CNTNAP5: variants seen among roughly 807,000 people sequenced by gnomAD.
The protein encoded by CNTNAP5 is contactin associated protein family member 5, also known as contactin-associated protein-like 5.
Under a neutral mutation model 150.2 loss-of-function variants are expected in CNTNAP5, and 72 were observed. That is an observed-to-expected ratio of 0.48 (90% CI 0.40 to 0.58). CNTNAP5 has a LOEUF of 0.58. Ranked by LOEUF, CNTNAP5 falls within the 20% of genes least tolerant of loss-of-function variation. CNTNAP5 has a pLI of 0.00. For synonymous variants in CNTNAP5, 672 were observed against 619.8 expected, an observed-to-expected ratio of 1.08 and a Z score of -1.25; for missense variants, 1,636 against 1,626.2, an observed-to-expected ratio of 1.01 and a Z score of -0.10.
At chr2:124,280,660 T>C (rs1687991126) in intron 3 of CNTNAP5, among the ~76,000 whole-genome samples, 1 of 152,102 alleles carries the variant, frequency 6.6e-6, no homozygotes, top group Admixed American at 6.6e-5. Context: ...TAGCTCTAGA[T>C]AATTAAGTGG....
chr2:124,785,022 G>C (rs1203997296), intron 17 of CNTNAP5, among the ~76,000 whole-genome samples: 1 of 128,618 alleles, frequency 7.8e-6, no homozygotes, highest in Admixed American at 9.6e-5. Context: ...TCCTCAAAGA[G>C]CTCAGAGATT....
At chr2:124,050,477 A>G (rs1171810456) in intron 1 of CNTNAP5, among the ~76,000 whole-genome samples, 1 of 152,140 alleles carries the variant, frequency 6.6e-6, no homozygotes, top group East Asian at 1.9e-4. Context: ...AAATAATAAA[A>G]AAAGAATAAA....
rs1366400126 is a variant in CNTNAP5 at position 124,434,589 on chromosome 2, T to G, written c.635T>G (p.Met212Arg). Residue 212 changes from methionine to arginine, a missense_variant, in exon 5 of 24, where the codon ATG (methionine) becomes AGG (arginine). Physicochemically the swap from Met to Arg is moderately conservative, Grantham distance 91 (BLOSUM62 -1). Transcript: ENST00000682447. ...KDVISLKFKS[M>R]QGDGVLFHGE... ...GTGATCTCCCTGAAGTTCAAGAGCA[T>G]GCAAGGAGATGGGGTCCTGTTCCAT... The G allele has an allele frequency of 6.2e-7, 1 of 1,613,980 alleles. No homozygotes were observed. The highest frequency in any genetic ancestry group is 8.5e-7 in the Non-Finnish European group (1 of 1,179,860).
intron 21 of CNTNAP5, among the ~76,000 whole-genome samples, chr2:124,885,015 T>C (rs1306355086): frequency 1.3e-5 from 2 of 152,060 alleles, no homozygotes; most frequent in Non-Finnish European, 2.9e-5. Context: ...CAGTCAGGGT[T>C]CAACCAATGG....
chr2:124,504,366 G>A lies in CNTNAP5; in HGVS notation c.1137G>A (p.Leu379=), dbSNP rs1558930634. 6.2e-7 allele frequency: 1 copy of A among 1,613,874 alleles called. No individual in the cohort carries two copies. Among genetic ancestry groups the A allele is most frequent in the Non-Finnish European group, 8.5e-7 (1 of 1,179,852 alleles). ...ITFVNSSGSY[L]LLPGTPQIDG... Reference sequence around the variant, plus strand: ...TTGTCAACTCCAGCGGCAGCTATTTGCTGCTGCCCGGCACCCCCCAAATTG... The same window carrying A: ...TTGTCAACTCCAGCGGCAGCTATTTACTGCTGCCCGGCACCCCCCAAATTG... Residue 379 remains leucine (L), a synonymous_variant, in exon 8 of 24, where the codon TTG becomes TTA. Coordinates refer to ENST00000682447, the MANE Select transcript of CNTNAP5 (RefSeq NM_001367498.1).
intron 14 of CNTNAP5, among the ~76,000 whole-genome samples, chr2:124,759,774 T>C (rs1350288215): frequency 6.6e-6 from 1 of 152,004 alleles, no homozygotes; most frequent in African/African-American, 2.4e-5. Flanking sequence ...AGATTGCAGA[T>C]GTGGTCCAGT....
chr2:124,908,056 C>T (rs965335149), intron 22 of CNTNAP5, among the ~76,000 whole-genome samples: 1 of 151,686 alleles, frequency 6.6e-6, no homozygotes, highest in Admixed American at 6.6e-5. Context: ...AAGGGAGAAA[C>T]CATTGTAAGT....
At chr2:124,227,282 A>G (rs902262927) in intron 2 of CNTNAP5, among the ~76,000 whole-genome samples, 3 of 152,120 alleles carry the variant, frequency 2.0e-5, no homozygotes, top group Non-Finnish European at 1.5e-5. Context: ...TGCAGTCACA[A>G]TGGTCTGCTT....
intron 16 of CNTNAP5, among the ~76,000 whole-genome samples, chr2:124,767,946 T>C (rs1681101590): frequency 6.6e-6 from 1 of 152,196 alleles, no homozygotes; most frequent in Non-Finnish European, 1.5e-5. Context: ...CGAGCAATCC[T>C]CCTGAGAGGC....
At chr2:124,126,359 A>G (rs1434282700) in intron 1 of CNTNAP5, among the ~76,000 whole-genome samples, 1 of 152,200 alleles carries the variant, frequency 6.6e-6, no homozygotes, top group African/African-American at 2.4e-5. Context: ...CTAAATCAGG[A>G]AGAAGTTGAA....
chr2:124,423,370 C>T (rs902084723), intron 4 of CNTNAP5, among the ~76,000 whole-genome samples: 1 of 152,068 alleles, frequency 6.6e-6, no homozygotes, highest in Non-Finnish European at 1.5e-5. Flanking sequence ...ATCTGTATGT[C>T]CAAGGAAGGT....
At chr2:124,733,187 T>C (rs1316856153) in intron 13 of CNTNAP5, among the ~76,000 whole-genome samples, 1 of 152,086 alleles carries the variant, frequency 6.6e-6, no homozygotes, top group Non-Finnish European at 1.5e-5. Flanking sequence ...TAATAAATAT[T>C]CTTCAAACTT....
chr2:124,851,025 A>G (rs1053633792), intron 19 of CNTNAP5, among the ~76,000 whole-genome samples: 2 of 152,198 alleles, frequency 1.3e-5, no homozygotes, highest in African/African-American at 4.8e-5. Context: ...TAAAAGTTTT[A>G]CTGTAAACCA....
chr2:124,615,851 G>A (rs1050515407), intron 12 of CNTNAP5, among the ~76,000 whole-genome samples: 1 of 152,198 alleles, frequency 6.6e-6, no homozygotes, highest in African/African-American at 2.4e-5. Flanking sequence ...TGTGATAGCA[G>A]GCAGGAAAAC....
rs540278729 is a variant in CNTNAP5, at chr2:124,356,259, C to T, written c.382-61184C>T. ...CATACTCAATTATCTTAACACTTTA[C>T]TTTAGAAATATGCTTTGACAGATGT... On this transcript the variant is annotated intron_variant, in intron 3 of 23. Coordinates refer to ENST00000682447, the MANE Select transcript of CNTNAP5 (RefSeq NM_001367498.1). 1.9e-4 allele frequency among the ~76,000 whole-genome samples: 28 copies of T among 150,850 alleles called. 1 individual carries two copies. In the South Asian group the frequency reaches 5.9e-3, roughly 32 times the overall value.
At chr2:124,725,058 T>C in intron 13 of CNTNAP5, among the ~76,000 whole-genome samples, 1 of 151,930 alleles carries the variant, frequency 6.6e-6, no homozygotes, top group South Asian at 2.1e-4. Flanking sequence ...CTGCTCTGTG[T>C]TCTTCTGTAC....
intron 1 of CNTNAP5, among the ~76,000 whole-genome samples, chr2:124,115,923 A>G (rs1683419314): frequency 1.3e-5 from 2 of 151,838 alleles, no homozygotes; most frequent in African/African-American, 4.8e-5. Flanking sequence ...GATTACAGGC[A>G]TCAGCCACCA....
chr2:124,202,784 G>A (rs748487623), intron 1 of CNTNAP5, among the ~76,000 whole-genome samples: 8 of 152,034 alleles, frequency 5.3e-5, no homozygotes, highest in Non-Finnish European at 1.2e-4. Flanking sequence ...AGCACAAGAA[G>A]AGCATGGAAA....
chr2:124,705,786 C>T (rs544037763), intron 13 of CNTNAP5, among the ~76,000 whole-genome samples: 1 of 150,698 alleles, frequency 6.6e-6, no homozygotes, highest in Non-Finnish European at 1.5e-5. Context: ...AAAAAAAAAT[C>T]TGAATAAAGT....
Sources: gnomAD v4.1 joint callset for allele counts (sites outside exome capture counted in the v4.1 genomes callset) on GRCh38, gnomAD v4.1.1 for gene constraint, MANE v1.5 for transcripts, NCBI Gene and HGNC (gene_info 2026-07-23, HGNC 2026-07-21) for gene names.